The following UHRF2 variants were observed in gnomAD, a reference collection of about 807,000 sequenced individuals.
UHRF2 encodes the protein E3 ubiquitin-protein ligase UHRF2.
Under a neutral mutation model 96.8 loss-of-function variants are expected in UHRF2, and 23 were observed. The observed-to-expected ratio is 0.24, with a 90% CI of 0.17 to 0.34. The LOEUF is 0.34. Among genes scored for constraint, UHRF2 ranks in the 10% least tolerant of loss-of-function variants. The pLI, the probability that UHRF2 is intolerant of heterozygous loss-of-function variation, is 1.00. For missense variants in UHRF2, 685 were observed against 981.5 expected (o/e 0.70, Z 4.04); for synonymous variants, 385 against 332.6 (o/e 1.16, Z -1.72).
chr9:6,483,097 A>G (rs1157778475), intron 8 of UHRF2, among the ~76,000 whole-genome samples: 2 of 152,002 alleles, frequency 1.3e-5, no homozygotes, highest in African/African-American at 4.8e-5. Flanking sequence ...AGGCCGCAGC[A>G]GCCAGATCGC....
chr9:6,449,848 G>T lies in UHRF2; in HGVS notation c.645-10725G>T, dbSNP rs567091763. On this transcript the variant is annotated intron_variant, in intron 3 of 15. Coordinates refer to ENST00000276893, the MANE Select transcript of UHRF2 (RefSeq NM_152896.3). ...CCCTAGCAGACAATATTTCCCATGT[G>T]TTGTCACAGTTGGTTGTTGGAGGCA... 2.0e-5 allele frequency among the ~76,000 whole-genome samples: 3 copies of T among 152,228 alleles called. No homozygotes were observed. In the South Asian group the frequency reaches 6.2e-4, roughly 32 times the overall value.
chr9:6,496,083 A>T (rs1354513563), intron 10 of UHRF2: 1 of 151,984 alleles, frequency 6.6e-6, no homozygotes, highest in East Asian at 1.9e-4. Flanking sequence ...TTTCAAGTTT[A>T]TTTACTCACT....
intron 3 of UHRF2, among the ~76,000 whole-genome samples, chr9:6,445,715 A>G (rs1821445934): frequency 6.6e-6 from 1 of 151,916 alleles, no homozygotes; most frequent in South Asian, 2.1e-4. Context: ...ATGCCACCAT[A>G]ACTGGCTAAT....
chr9:6,499,775 A>AC lies in UHRF2; in HGVS notation c.1909-54dup, dbSNP rs1563809633. The AC allele has an allele frequency of 7.1e-6, 6 of 842,170 alleles. No individual in the cohort carries two copies. The African/African-American group carries it at 9.2e-5, about 13-fold the overall frequency. 52.2% of individuals were successfully genotyped at this position (842,170 alleles called of 1,614,324 possible). ...CTTTTAATTTCTCACCAGGATCTAA[A>AC]CCCCCCTTCTCTGTGAAGCTTAAAT... is the stretch of plus-strand genomic sequence containing the variant. On this transcript the variant is annotated intron_variant, in intron 12 of 15. Coordinates refer to ENST00000276893, the MANE Select transcript of UHRF2 (RefSeq NM_152896.3).
Position 6,497,254 on chromosome 9 carries a change from G to T in UHRF2, c.1661G>T (p.Arg554Leu). Residue 554 changes from arginine (R) to leucine (L), a missense_variant, in exon 11 of 16, where the codon CGG (arginine) becomes CTG (leucine). By Grantham distance (102) the Arg-to-Leu change is moderately radical. Around this residue, in one of 6 missense-constraint regions of UHRF2, gnomAD observed 73 missense variants for 283.7 expected, o/e 0.26. Transcript: ENST00000276893. ...PLDDKIGAES[R>L]NWRAGKPVRV... ...GATGATAAAATTGGAGCAGAGTCTC[G>T]GAATTGGAGAGCTGGTAAGCCAGTC... 1 of 1,613,980 alleles carries T rather than the reference G, an allele frequency of 6.2e-7. No homozygotes were observed. Among genetic ancestry groups the T allele is most frequent in the Non-Finnish European group, 8.5e-7 (1 of 1,179,924 alleles).
intron 1 of UHRF2, among the ~76,000 whole-genome samples, chr9:6,419,716 A>G (rs1041165372): frequency 1.3e-5 from 2 of 152,260 alleles, no homozygotes; most frequent in South Asian, 2.1e-4. Context: ...GGTCACAGCC[A>G]CAATGAAACA....
chr9:6,495,018 AG>A (rs1824879147), intron 10 of UHRF2: 1 of 152,246 alleles, frequency 6.6e-6, no homozygotes, highest in Non-Finnish European at 1.5e-5. Flanking sequence ...CAGTCCTTCA[AG>A]AAGAGTGTCT....
chr9:6,506,243 G>A lies in UHRF2; in HGVS notation c.*64G>A, dbSNP rs2130984280. The A allele has an allele frequency of 1.9e-6, 3 of 1,586,440 alleles. No individual in the cohort carries two copies. The highest frequency in any genetic ancestry group is 2.6e-6 in the Non-Finnish European group (3 of 1,164,276). On this transcript the variant is annotated 3_prime_UTR_variant, in exon 16 of 16. Coordinates refer to ENST00000276893, the MANE Select transcript of UHRF2 (RefSeq NM_152896.3). ...GGACAATAAAGAATCTAAAATGGGT[G>A]GGGAGGGTGGAAGAAATGGTGGACT...
intron 6 of UHRF2, among the ~76,000 whole-genome samples, chr9:6,480,623 G>T (rs1823869082): frequency 6.6e-6 from 1 of 152,028 alleles, no homozygotes; most frequent in Non-Finnish European, 1.5e-5. Context: ...TCATCAGAGA[G>T]ATAATACTTG....
In UHRF2 at chr9:6,506,205, A is replaced by G. The variant is rs1379849617; in HGVS notation, c.*26A>G. On this transcript the variant is annotated 3_prime_UTR_variant, in exon 16 of 16. Coordinates refer to ENST00000276893, the MANE Select transcript of UHRF2 (RefSeq NM_152896.3). ...TCTGCCTGCTTTCACTGTGTTGTTC[A>G]TGGTGGCTTTTTGGACAATAAAGAA... is the stretch of plus-strand genomic sequence containing the variant. The G allele has an allele frequency of 3.1e-6, 5 of 1,611,324 alleles. No individual in the cohort carries two copies. Among genetic ancestry groups the G allele is most frequent in the Non-Finnish European group, 3.4e-6 (4 of 1,178,378 alleles).
chr9:6,500,756 G>A (rs1361633949), intron 14 of UHRF2, 47 bp downstream of exon 14: 5 of 1,524,410 alleles, frequency 3.3e-6, no homozygotes, highest in Admixed American at 2.0e-5. Context: ...ATTAACAAAT[G>A]ATAAATAATT....
chr9:6,430,844 T>C (rs1820526339), intron 2 of UHRF2, among the ~76,000 whole-genome samples: 1 of 152,208 alleles, frequency 6.6e-6, no homozygotes, highest in Admixed American at 6.5e-5. Context: ...TTTCCCCTTC[T>C]CTTGGGGAAT....
intron 3 of UHRF2, among the ~76,000 whole-genome samples, chr9:6,444,489 G>A (rs1186287526): frequency 1.3e-5 from 2 of 152,168 alleles, no homozygotes; most frequent in African/African-American, 4.8e-5. Context: ...TCTCAAAGAT[G>A]GTCAGAAACA....
At chr9:6,504,721 G>C in intron 15 of UHRF2, 30 bp downstream of exon 15, 1 of 1,567,338 alleles carries the variant, frequency 6.4e-7, no homozygotes, top group Non-Finnish European at 8.8e-7. Context: ...CACTTTCCCT[G>C]TTAGGTATGA....
intron 2 of UHRF2, among the ~76,000 whole-genome samples, chr9:6,421,512 G>A (rs1819928287): frequency 6.6e-6 from 1 of 152,094 alleles, no homozygotes; most frequent in South Asian, 2.1e-4. Flanking sequence ...TGCCTCCCAG[G>A]TTCAAGCAAA....
intron 4 of UHRF2, among the ~76,000 whole-genome samples, chr9:6,466,015 T>C (rs1453236349): frequency 2.0e-5 from 3 of 152,222 alleles, no homozygotes; most frequent in Non-Finnish European, 4.4e-5. Context: ...TAATATAATA[T>C]TTACTACCAT....
intron 4 of UHRF2, among the ~76,000 whole-genome samples, chr9:6,474,686 CAG>C (rs1393391860): frequency 1.3e-5 from 2 of 152,144 alleles, no homozygotes; most frequent in Non-Finnish European, 2.9e-5. Flanking sequence ...AGCCTGGTGA[CAG>C]AGCGAGACTC....
At position 6,481,305 on chromosome 9, in the gene UHRF2, A is replaced by G. The variant is rs79162222; in HGVS notation, c.1161-338A>G. ...ACAGTTGAATGTTCTAGGAAGATCT[A>G]GCTACTTTTGTTTTAATGACAGGAA... On this transcript the variant is annotated intron_variant, in intron 6 of 15. Transcript: ENST00000276893. 1.6e-4 allele frequency among the ~76,000 whole-genome samples: 24 copies of G among 152,312 alleles called. 1 individual carries two copies. The East Asian group carries it at 4.6e-3, about 29-fold the overall frequency.
At chr9:6,479,897 C>T (rs115317795) in intron 6 of UHRF2, among the ~76,000 whole-genome samples, 269 of 152,280 alleles carry the variant, frequency 1.8e-3, no homozygotes, top group African/African-American at 6.1e-3. Context: ...ACTTCTGTAA[C>T]GGATGTCTAA....
Sources: allele counts gnomAD v4.1 joint callset (sites outside exome capture counted in the v4.1 genomes callset), GRCh38; gene constraint gnomAD v4.1.1; regional missense constraint gnomAD v4.1.1; transcripts MANE v1.5; gene names NCBI Gene and HGNC (gene_info 2026-07-23, HGNC 2026-07-21).